Variants in ABCC5 observed in about 807,000 individuals in gnomAD.
ABCC5 encodes the protein ATP-binding cassette sub-family C member 5.
A neutral mutation model predicts 160.9 loss-of-function variants in ABCC5; 61 were observed. That is an observed-to-expected ratio of 0.38 (90% CI 0.31 to 0.47). ABCC5 has a LOEUF of 0.47. Ranked by LOEUF, ABCC5 falls within the 20% of genes least tolerant of loss-of-function variation. The pLI is 0.99. For synonymous variants in ABCC5, 666 were observed against 700.6 expected, an observed-to-expected ratio of 0.95 and a Z score of 0.78; for missense variants, 1,308 against 1,813.3, an observed-to-expected ratio of 0.72 and a Z score of 5.06.
intron 27 of ABCC5, 25 bp from the exon 28 acceptor site, chr3:183,927,468 A>G (rs768353386): frequency 6.3e-7 from 1 of 1,595,808 alleles, no homozygotes; most frequent in Non-Finnish European, 8.5e-7. Context: ...ACTAGAGATC[A>G]GAGGGGTAAG....
chr3:183,930,766 G>A (rs558801175), intron 26 of ABCC5, among the ~76,000 whole-genome samples: 3 of 152,296 alleles, frequency 2.0e-5, no homozygotes, highest in Admixed American at 1.3e-4. Context: ...TGGCCCAAAT[G>A]ACACTTTGAT....
At chr3:183,927,592 G>A in intron 27 of ABCC5, 149 bp from the exon 28 acceptor site, 1 of 1,423,614 alleles carries the variant, frequency 7.0e-7, no homozygotes, top group South Asian at 1.4e-5. Context: ...CAGGTGTACT[G>A]ATCATGCGTG....
At chr3:184,010,493 C>T (rs1421836029) in intron 2 of ABCC5, 1 of 152,304 alleles carries the variant, frequency 6.6e-6, no homozygotes, top group Non-Finnish European at 1.5e-5. Context: ...TTCTTCTCCA[C>T]TTCGTAGAGG....
chr3:184,014,510 A>C, intron 1 of ABCC5, 63 bp from the exon 2 acceptor site: 1 of 1,031,108 alleles, frequency 9.7e-7, no homozygotes, highest in Non-Finnish European at 1.3e-6. Context: ...CATAAGCTCA[A>C]GTGCCTTAAA....
At chr3:183,990,675 C>T (rs1719682516) in intron 2 of ABCC5, among the ~76,000 whole-genome samples, 1 of 149,404 alleles carries the variant, frequency 6.7e-6, no homozygotes, top group Middle Eastern at 3.5e-3. Context: ...AGCTGAAGAG[C>T]TCTACACTTC....
chr3:183,982,916 G>A lies in ABCC5; in HGVS notation c.683C>T (p.Thr228Met), dbSNP rs200883396. The A allele has an allele frequency of 8.2e-5, 133 of 1,614,224 alleles. No homozygotes were observed. Among genetic ancestry groups the A allele is most frequent in the African/African-American group, 3.3e-4 (25 of 75,058 alleles). The change falls in exon 6 of 30, where the codon ACG becomes ATG. Residue 228 changes from threonine (T) to methionine (M), a missense_variant. Physicochemically the swap from Thr to Met is moderately conservative, Grantham distance 81. Around this residue, in one of 3 missense-constraint regions of ABCC5, gnomAD observed 1,142 missense variants for 1,527.1 expected, o/e 0.75. Coordinates refer to ENST00000334444, the MANE Select transcript of ABCC5 (RefSeq NM_005688.4). The surrounding 1 kb of genome is among the most constrained non-coding windows in gnomAD (Gnocchi z 5.2). ...AAGCGACCAAGACCGCACGATTTCCGTCAGGAGGAGGCCCAGCACTAACAA... is the reference window on the plus strand; with the variant it reads ...AAGCGACCAAGACCGCACGATTTCCATCAGGAGGAGGCCCAGCACTAACAA... ...SLLLVLGLLLTEIVRSWSLAL... is the reference protein window; with the variant it reads ...SLLLVLGLLLMEIVRSWSLAL...
In ABCC5 at chr3:183,921,234, AG is replaced by A; in HGVS notation, c.*65del. 1 of 896,046 alleles carries A rather than the reference AG, an allele frequency of 1.1e-6. No individual in the cohort carries two copies. Among genetic ancestry groups the A allele is most frequent in the Non-Finnish European group, 1.8e-6 (1 of 566,688 alleles). 55.5% of individuals were successfully genotyped at this position (896,046 alleles called of 1,614,324 possible). On this transcript the variant is annotated 3_prime_UTR_variant, in exon 30 of 30. Coordinates refer to ENST00000334444, the MANE Select transcript of ABCC5 (RefSeq NM_005688.4). This position sits in a 1 kb window ranked among gnomAD's most constrained non-coding sequence, Gnocchi z 4.1. ...AAGGTTTCGGTAGGAGGACGCGATG[AG>A]GGGCCCGCCCCAGGCAGGGAATGGC...
rs114920175 is a variant in ABCC5, at chr3:183,950,350, C to A, written c.2945-225G>T. ...TCCCTTTTCTTGGTTCCCTTCCTGCCCCACTGCTTTAAACATTTTCCCCCT... is the reference window on the plus strand; with the variant it reads ...TCCCTTTTCTTGGTTCCCTTCCTGCACCACTGCTTTAAACATTTTCCCCCT... On this transcript the variant is annotated intron_variant, in intron 20 of 29. Coordinates refer to ENST00000334444, the MANE Select transcript of ABCC5 (RefSeq NM_005688.4). Among the ~76,000 whole-genome samples, 761 of 152,068 alleles carry A rather than the reference C, an allele frequency of 5.0e-3. 11 individuals carry two copies. The highest frequency in any genetic ancestry group is 0.017 in the African/African-American group (712 of 41,474).
At chr3:183,972,010 C>A in intron 10 of ABCC5, 91 bp from the exon 11 acceptor site, 1 of 1,597,122 alleles carries the variant, frequency 6.3e-7, no homozygotes, top group Non-Finnish European at 8.5e-7. Context: ...TAGCAAAACA[C>A]ATCAGGCTAT....
rs1166720743 is a variant in ABCC5 at position 183,963,808 on chromosome 3, C to G, written c.2032-220G>C. ...ATGCCTCTTCCTCTACCACTGCCAT[C>G]TGGGTACCGATCAATCCTACATCTG... On this transcript the variant is annotated intron_variant, in intron 14 of 29. Coordinates refer to ENST00000334444, the MANE Select transcript of ABCC5 (RefSeq NM_005688.4). This position sits in a 1 kb window ranked among gnomAD's most constrained non-coding sequence, Gnocchi z 4.6. Among the ~76,000 whole-genome samples the G allele has an allele frequency of 1.3e-5, 2 of 152,238 alleles. No individual in the cohort carries two copies. The highest frequency in any genetic ancestry group is 6.5e-5 in the Admixed American group (1 of 15,276).
At chr3:183,995,575 T>C (rs1415505179) in intron 2 of ABCC5, among the ~76,000 whole-genome samples, 1 of 152,210 alleles carries the variant, frequency 6.6e-6, no homozygotes, top group Non-Finnish European at 1.5e-5. Context: ...GCTGCACTTA[T>C]GTCGAAAAGT....
intron 26 of ABCC5, among the ~76,000 whole-genome samples, chr3:183,934,312 G>A (rs181262882): frequency 2.2e-4 from 34 of 152,242 alleles, no homozygotes; most frequent in African/African-American, 7.9e-4. Context: ...AGAATACCAA[G>A]AGCTGAACAT....
intron 10 of ABCC5, among the ~76,000 whole-genome samples, chr3:183,973,702 C>T (rs899203919): frequency 1.3e-4 from 20 of 152,200 alleles, no homozygotes; most frequent in African/African-American, 4.6e-4. Flanking sequence ...TCTTCACTCT[C>T]GAGTAACCTT....
intron 26 of ABCC5, among the ~76,000 whole-genome samples, chr3:183,932,361 G>A (rs765322800): frequency 5.3e-5 from 8 of 152,200 alleles, no homozygotes; most frequent in Non-Finnish European, 1.0e-4. Context: ...GGCATAGATT[G>A]TGTGACTTTC....
At chr3:184,004,685 G>T (rs773587533) in intron 2 of ABCC5, among the ~76,000 whole-genome samples, 1 of 152,072 alleles carries the variant, frequency 6.6e-6, no homozygotes, top group Admixed American at 6.5e-5. Context: ...CAAAGGTCAG[G>T]GGCTGAGTGG....
intron 8 of ABCC5, 146 bp from the exon 9 acceptor site, chr3:183,978,797 A>C (rs1718446451): frequency 5.7e-6 from 5 of 869,896 alleles, no homozygotes; most frequent in Non-Finnish European, 8.5e-6. Flanking sequence ...CTGGTATAAA[A>C]GGCTGAGGTT....
At chr3:184,013,309 G>A (rs530296499) in intron 2 of ABCC5, among the ~76,000 whole-genome samples, 1 of 152,234 alleles carries the variant, frequency 6.6e-6, no homozygotes, top group South Asian at 2.1e-4. Context: ...AGGCTGGAGT[G>A]CAGTGGCGTG....
At chr3:183,950,283 C>T (rs1715224277) in intron 20 of ABCC5, among the ~76,000 whole-genome samples, 158 bp from the exon 21 acceptor site, 1 of 151,912 alleles carries the variant, frequency 6.6e-6, no homozygotes, top group Non-Finnish European at 1.5e-5. Context: ...CCTGGATGCT[C>T]TGATTTTTTT....
intron 2 of ABCC5, among the ~76,000 whole-genome samples, chr3:183,990,096 C>G (rs138619562): frequency 0.012 from 1,756 of 150,952 alleles, 10 homozygotes; most frequent in Non-Finnish European, 0.017. Context: ...AGCCACCGCG[C>G]CCGGCCCTGT....
Sources: gnomAD v4.1 joint callset for allele counts (sites outside exome capture counted in the v4.1 genomes callset) on GRCh38, gnomAD v4.1.1 for gene constraint, gnomAD v4.1.1 regional missense constraint, Gnocchi (gnomAD v3.1) non-coding constraint, MANE v1.5 for transcripts, NCBI Gene and HGNC (gene_info 2026-07-23, HGNC 2026-07-21) for gene names.